Variants in TMEM179B observed in about 807,000 individuals in gnomAD.
TMEM179B encodes the protein transmembrane protein 179B.
In TMEM179B, 13 loss-of-function variants were observed where a neutral mutation model predicts 18.0. The observed-to-expected ratio is 0.72, with a 90% CI of 0.47 to 1.15. The LOEUF is 1.15. Ranked by LOEUF, TMEM179B falls within the 50% of genes most tolerant of loss-of-function variation. The pLI is 0.00. For synonymous variants in TMEM179B, 159 were observed against 117.5 expected, an observed-to-expected ratio of 1.35 and a Z score of -2.29; for missense variants, 320 against 270.6, an observed-to-expected ratio of 1.18 and a Z score of -1.28.
At chr11:62,787,841 G>C (rs548931808) in intron 1 of TMEM179B, 1 of 646,694 alleles carries the variant, frequency 1.5e-6, no homozygotes, top group East Asian at 3.1e-5. Flanking sequence ...AGTCAGTGCA[G>C]AACCTGCGTC....
intron 1 of TMEM179B, among the ~76,000 whole-genome samples, chr11:62,788,254 T>C (rs539961922): frequency 6.6e-6 from 1 of 151,130 alleles, no homozygotes; most frequent in African/African-American, 2.4e-5. Flanking sequence ...AATACAAAAA[T>C]TAGCCGGGTG....
In TMEM179B at chr11:62,787,536, G is replaced by T; in HGVS notation, c.96+9G>T. On this transcript the variant is annotated intron_variant, in intron 1 of 4. Coordinates refer to ENST00000333449, the MANE Select transcript of TMEM179B (RefSeq NM_199337.3). ...CGATGACTCGGACCCAGGTGCGGCT[G>T]CGGGGCGGGGTCAGGTAGGCGGGGG... 6.4e-7 allele frequency: 1 copy of T among 1,553,532 alleles called. No homozygotes were observed. Among genetic ancestry groups the T allele is most frequent in the Non-Finnish European group, 8.6e-7 (1 of 1,158,982 alleles).
At position 62,787,438 on chromosome 11, in the gene TMEM179B, C is replaced by A; in HGVS notation, c.7C>A (p.Leu3Met). Residue 3 changes from leucine (L) to methionine (M), a missense_variant, in exon 1 of 5, where the codon CTG (leucine) becomes ATG (methionine). Transcript: ENST00000333449. MA[L>M]SWLQRVELAL... is the part of the protein sequence containing the mutation. The stretch of plus-strand genomic sequence containing the variant: ...TCCTGGTGGTCAGGGCGCCATGGCG[C>A]TGTCCTGGCTGCAGCGCGTCGAGCT... The A allele has an allele frequency of 6.4e-7, 1 of 1,564,654 alleles. No individual in the cohort carries two copies. Among genetic ancestry groups the A allele is most frequent in the Non-Finnish European group, 8.6e-7 (1 of 1,162,276 alleles).
At position 62,790,285 on chromosome 11, in the gene TMEM179B, GGAA is replaced by G; in HGVS notation, c.*240_*242del. The G allele has an allele frequency of 1.8e-6, 1 of 560,650 alleles. No homozygotes were observed. Among genetic ancestry groups the G allele is most frequent in the Non-Finnish European group, 3.1e-6 (1 of 327,264 alleles). The allele number at this position is 560,650 out of a possible 1,614,324, so 34.7% of individuals were successfully genotyped here. On this transcript the variant is annotated 3_prime_UTR_variant, in exon 5 of 5. Coordinates refer to ENST00000333449, the MANE Select transcript of TMEM179B (RefSeq NM_199337.3). ...GATGTTAAAGTACAACTAGATAGGA[GGAA>G]GGAGTGAAGGCTAAGCAGACATGGA...
At chr11:62,788,017 T>G (rs894319885) in intron 1 of TMEM179B, 2 of 459,228 alleles carry the variant, frequency 4.4e-6, no homozygotes, top group Non-Finnish European at 8.7e-6. Flanking sequence ...ATTTACATCG[T>G]TTACCCCAGC....
chr11:62,789,848 G>A (rs748952067), intron 4 of TMEM179B, 38 bp from the exon 5 acceptor site: 2 of 1,594,602 alleles, frequency 1.3e-6, no homozygotes. Flanking sequence ...GATTTGAAAT[G>A]GTCCCACTCC....
chr11:62,787,991 A>G (rs2084308650), intron 1 of TMEM179B: 11 of 464,040 alleles, frequency 2.4e-5, no homozygotes, highest in South Asian at 1.2e-4. Flanking sequence ...CGCTGACGTA[A>G]AGGTAGAAGC....
At chr11:62,787,658 G>C (rs553382497) in intron 1 of TMEM179B, 131 bp downstream of exon 1, 1 of 1,199,044 alleles carries the variant, frequency 8.3e-7, no homozygotes, top group African/African-American at 1.5e-5. Context: ...GGCTGGCGCC[G>C]GCCTGTACCT....
At position 62,789,936 on chromosome 11, in the gene TMEM179B, G is replaced by A; in HGVS notation, c.549G>A (p.Gln183=). The change falls in exon 5 of 5, where the codon CAG becomes CAA. Residue 183 remains glutamine, a synonymous_variant. Coordinates refer to ENST00000333449, the MANE Select transcript of TMEM179B (RefSeq NM_199337.3). ...LVLWCVVLVL[Q]VVQWKSEATP... ...TGTGGTGTGTGGTCTTGGTGCTCCAGGTCGTGCAGTGGAAGTCTGAAGCCA... is the reference window on the plus strand; with the variant it reads ...TGTGGTGTGTGGTCTTGGTGCTCCAAGTCGTGCAGTGGAAGTCTGAAGCCA... 1 of 1,614,116 alleles carries A rather than the reference G, an allele frequency of 6.2e-7. No individual in the cohort carries two copies. Among genetic ancestry groups the A allele is most frequent in the Non-Finnish European group, 8.5e-7 (1 of 1,180,010 alleles).
At chr11:62,788,113 C>CA (rs1491227879) in intron 1 of TMEM179B, among the ~76,000 whole-genome samples, 1 of 152,034 alleles carries the variant, frequency 6.6e-6, no homozygotes, top group African/African-American at 2.4e-5. Context: ...GAGAAAACCT[C>CA]AGAGATCCGC....
In TMEM179B at chr11:62,787,443, C is replaced by G. The variant is rs1051022182; in HGVS notation, c.12C>G (p.Ser4=). 3.8e-6 allele frequency: 6 copies of G among 1,568,222 alleles called. No individual in the cohort carries two copies. The highest frequency in any genetic ancestry group is 1.8e-5 in the Admixed American group (1 of 55,906). ...GTGGTCAGGGCGCCATGGCGCTGTCCTGGCTGCAGCGCGTCGAGCTTGCGC... is the reference window on the plus strand; with the variant it reads ...GTGGTCAGGGCGCCATGGCGCTGTCGTGGCTGCAGCGCGTCGAGCTTGCGC... MAL[S]WLQRVELALF... Residue 4 remains serine, a synonymous_variant, in exon 1 of 5, where the codon TCC becomes TCG. Coordinates refer to ENST00000333449, the MANE Select transcript of TMEM179B (RefSeq NM_199337.3).
At position 62,789,871 on chromosome 11, in the gene TMEM179B, C is replaced by T. The variant is rs766465616; in HGVS notation, c.499-15C>T. 3.1e-6 allele frequency: 5 copies of T among 1,610,540 alleles called. No homozygotes were observed. Among genetic ancestry groups the T allele is most frequent in the Non-Finnish European group, 4.2e-6 (5 of 1,177,992 alleles). On this transcript the variant is annotated splice_polypyrimidine_tract_variant and intron_variant, in intron 4 of 4. Coordinates refer to ENST00000333449, the MANE Select transcript of TMEM179B (RefSeq NM_199337.3). Reference sequence around the variant, plus strand: ...ATGGTCCCACTCCTGACGATCCTGTCCCTGTCTCCTACAGACCTCTTCTTG... The same window carrying T: ...ATGGTCCCACTCCTGACGATCCTGTTCCTGTCTCCTACAGACCTCTTCTTG...
In TMEM179B at chr11:62,790,349, G is replaced by C. The variant is rs2084345486; in HGVS notation, c.*302G>C. 8 of 547,482 alleles carry C rather than the reference G, an allele frequency of 1.5e-5. No homozygotes were observed. In the South Asian group the frequency reaches 2.0e-4, roughly 14 times the overall value. 33.9% of individuals were successfully genotyped at this position (547,482 alleles called of 1,614,324 possible). The stretch of plus-strand genomic sequence containing the variant: ...GAGGTACTGTTAGGCAGCTGCCCTA[G>C]GGATGACTGCTCCTTTATTTGTTGT... On this transcript the variant is annotated 3_prime_UTR_variant, in exon 5 of 5. Coordinates refer to ENST00000333449, the MANE Select transcript of TMEM179B (RefSeq NM_199337.3).
intron 1 of TMEM179B, chr11:62,788,013 A>C: frequency 6.5e-6 from 3 of 459,920 alleles, no homozygotes; most frequent in Non-Finnish European, 1.3e-5. Context: ...AATAATTTAC[A>C]TCGTTTACCC....
Position 62,789,093 on chromosome 11 carries a change from G to T in TMEM179B, c.167G>T (p.Arg56Leu), listed in dbSNP as rs1301060096. The T allele has an allele frequency of 1.2e-6, 2 of 1,614,176 alleles. No individual in the cohort carries two copies. Among genetic ancestry groups the T allele is most frequent in the Non-Finnish European group, 1.7e-6 (2 of 1,180,032 alleles). ...TLNGSSLALSRPSAPSLCYFV... is the reference protein window; with the variant it reads ...TLNGSSLALSLPSAPSLCYFV... ...AATGGCTCCTCCCTGGCCTTATCCC[G>T]TCCCTCAGCACCATCCCTGTGCTAC... The change falls in exon 2 of 5, where the codon CGT becomes CTT. Residue 56 changes from arginine to leucine, a missense_variant. Transcript: ENST00000333449.
rs764892439 is a variant in TMEM179B, at chr11:62,789,636, CT to C, written c.456del (p.Gly153GlufsTer19). On this transcript the variant is annotated frameshift_variant, in exon 4 of 5. Coordinates refer to ENST00000333449, the MANE Select transcript of TMEM179B (RefSeq NM_199337.3). LOFTEE classifies it high-confidence loss of function. The part of the protein sequence containing the change: ...SEAQKIPWTP[P>X]GTALQFYSNL... ...GCCCAGAAAATTCCATGGACACCCC[CT>C]GGAACTGCTCTGCAGTTTTACTCCA... 3.7e-5 allele frequency: 57 copies of C among 1,550,964 alleles called. No individual in the cohort carries two copies. The highest frequency in any genetic ancestry group is 5.5e-5 in the African/African-American group (4 of 72,590).
Position 62,789,590 on chromosome 11 carries a change from T to C in TMEM179B, c.420-11T>C, listed in dbSNP as rs377590992. ...TCACGCTTTCTCACAACTGTCTCTT[T>C]GACCTCACAGCTGTTCTGAAGCCCA... On this transcript the variant is annotated splice_polypyrimidine_tract_variant and intron_variant, in intron 3 of 4. Transcript: ENST00000333449. 6.5e-7 allele frequency: 1 copy of C among 1,549,916 alleles called. No homozygotes were observed. Among genetic ancestry groups the C allele is most frequent in the Non-Finnish European group, 8.7e-7 (1 of 1,150,386 alleles).
Position 62,790,314 on chromosome 11 carries a change from C to T in TMEM179B, c.*267C>T. 5.5e-6 allele frequency: 3 copies of T among 543,046 alleles called. No homozygotes were observed. Among genetic ancestry groups the T allele is most frequent in the Middle Eastern group, 9.5e-4 (2 of 2,104 alleles). 33.6% of individuals were successfully genotyped at this position (543,046 alleles called of 1,614,324 possible). A position where few individuals can be genotyped will look rare whatever the true frequency, so the allele number is the denominator to read the frequency against. On this transcript the variant is annotated 3_prime_UTR_variant, in exon 5 of 5. Transcript: ENST00000333449. ...GGAGTGAAGGCTAAGCAGACATGGA[C>T]TGAAACTTAGAGGTACTGTTAGGCA...
Position 62,787,678 on chromosome 11 carries a change from C to G in TMEM179B, c.96+151C>G. 8 of 1,013,156 alleles carry G rather than the reference C, an allele frequency of 7.9e-6. No homozygotes were observed. The South Asian group carries it at 1.3e-4, about 17-fold the overall frequency. 62.8% of individuals were successfully genotyped at this position (1,013,156 alleles called of 1,614,324 possible). On this transcript the variant is annotated intron_variant, in intron 1 of 4. Coordinates refer to ENST00000333449, the MANE Select transcript of TMEM179B (RefSeq NM_199337.3). ...GCGCCGGCCTGTACCTGAAATGCAG[C>G]GAGGCTAATCGCGCTTTGTGGCTCC...
Sources: allele counts gnomAD v4.1 joint callset (sites outside exome capture counted in the v4.1 genomes callset), GRCh38; gene constraint gnomAD v4.1.1; transcripts MANE v1.5; gene names NCBI Gene and HGNC (gene_info 2026-07-23, HGNC 2026-07-21).